The following IQSEC1 variants were observed in gnomAD, a reference collection of about 807,000 sequenced individuals.
IQSEC1 encodes the protein IQ motif and SEC7 domain-containing protein 1.
Under a neutral mutation model 91.0 loss-of-function variants are expected in IQSEC1, and 31 were observed. The ratio of observed to expected loss-of-function variants is 0.34; its 90% confidence interval spans 0.26 to 0.46. IQSEC1 has a LOEUF of 0.46. Ranked by LOEUF, IQSEC1 falls within the 20% of genes least tolerant of loss-of-function variation. IQSEC1 has a pLI of 1.00. For synonymous variants in IQSEC1, 699 were observed against 662.6 expected, an observed-to-expected ratio of 1.05 and a Z score of -0.84; for missense variants, 1,388 against 1,575.6, an observed-to-expected ratio of 0.88 and a Z score of 2.02.
At chr3:13,114,339 C>T (rs1706300656) in intron 2 of IQSEC1, among the ~76,000 whole-genome samples, 1 of 152,122 alleles carries the variant, frequency 6.6e-6, no homozygotes, top group Admixed American at 6.5e-5. Context: ...GCACTCATGG[C>T]CTGCAGGTGG....
chr3:13,043,674 T>G (rs908368054), intron 1 of IQSEC1, among the ~76,000 whole-genome samples: 5 of 152,212 alleles, frequency 3.3e-5, no homozygotes, highest in Non-Finnish European at 7.3e-5. Context: ...AAGCAACGAC[T>G]CCAGGGCAGG....
In IQSEC1 at chr3:12,900,254, G is replaced by C. The variant is rs1036784477; in HGVS notation, c.*729C>G. 5.1e-6 allele frequency: 5 copies of C among 984,718 alleles called. No homozygotes were observed. The highest frequency in any genetic ancestry group is 6.2e-5 in the Admixed American group (1 of 16,236). The allele number at this position is 984,718 out of a possible 1,614,324, so 61.0% of individuals were successfully genotyped here. On this transcript the variant is annotated 3_prime_UTR_variant, in exon 14 of 14. Transcript: ENST00000613206. Reference sequence around the variant, plus strand: ...TAGTAATGATTGTGTAAAGATTTTAGCCAGTCCTAGAGGGACTTCTTTGTA... The same window carrying C: ...TAGTAATGATTGTGTAAAGATTTTACCCAGTCCTAGAGGGACTTCTTTGTA...
chr3:13,270,767 A>C lies in IQSEC1; in HGVS notation c.272+11944T>G, dbSNP rs367949627. ...TATAAGATGCAGAAAATAAATGACAAAATTGTATATATAAATCTCACCTTA... is the reference window on the plus strand; with the variant it reads ...TATAAGATGCAGAAAATAAATGACACAATTGTATATATAAATCTCACCTTA... On this transcript the variant is annotated intron_variant, in intron 1 of 15. Transcript: ENST00000648114. 5.9e-5 allele frequency among the ~76,000 whole-genome samples: 9 copies of C among 152,360 alleles called. No individual in the cohort carries two copies. The South Asian group carries it at 6.2e-4, about 11-fold the overall frequency.
chr3:12,967,763 C>T lies in IQSEC1; in HGVS notation c.24-25898G>A. The T allele has an allele frequency of 1.0e-6, 1 of 952,958 alleles. No individual in the cohort carries two copies. Among genetic ancestry groups the T allele is most frequent in the South Asian group, 4.9e-5 (1 of 20,322 alleles). 59.0% of individuals were successfully genotyped at this position (952,958 alleles called of 1,614,324 possible). ...GCAGGGCGGGGGCGGGGCCGGAGGG[C>T]GAGCTGGGGGCGGGGCCGGAGGGCG... is the stretch of plus-strand genomic sequence containing the variant. On this transcript the variant is annotated intron_variant, in intron 1 of 13. Coordinates refer to ENST00000613206, the MANE Select transcript of IQSEC1 (RefSeq NM_001134382.3). This position sits in a 1 kb window ranked among gnomAD's most constrained non-coding sequence, Gnocchi z 5.9.
At chr3:13,072,233 G>A (rs574748981) in intron 1 of IQSEC1, among the ~76,000 whole-genome samples, 28 of 152,342 alleles carry the variant, frequency 1.8e-4, no homozygotes, top group South Asian at 4.1e-4. Flanking sequence ...CTCAACCCCC[G>A]CAGCCGAGGG....
chr3:13,020,710 T>C (rs1205763855), intron 1 of IQSEC1, among the ~76,000 whole-genome samples: 4 of 152,238 alleles, frequency 2.6e-5, no homozygotes, highest in African/African-American at 9.7e-5. Flanking sequence ...TTGCTCAGGC[T>C]GGAGTGCAGT....
At chr3:13,230,195 A>G (rs781468406) in intron 1 of IQSEC1, among the ~76,000 whole-genome samples, 1 of 152,222 alleles carries the variant, frequency 6.6e-6, no homozygotes, top group South Asian at 2.1e-4. Context: ...TCTTGTTTAC[A>G]TTATTACCCG....
Position 12,898,432 on chromosome 3 carries a change from C to T in IQSEC1, c.*2551G>A, listed in dbSNP as rs1049195218. The T allele has an allele frequency of 1.3e-5, 2 of 152,252 alleles. No homozygotes were observed. Among genetic ancestry groups the T allele is most frequent in the Non-Finnish European group, 2.9e-5 (2 of 68,056 alleles). The allele number at this position is 152,252 out of a possible 1,614,324, so 9.4% of individuals were successfully genotyped here. On this transcript the variant is annotated 3_prime_UTR_variant, in exon 14 of 14. Coordinates refer to ENST00000613206, the MANE Select transcript of IQSEC1 (RefSeq NM_001134382.3). ...AAGGGCTCAGTGGGTTCCAGCAGTT[C>T]CTTACGCGAGGCCCTGCTGCCCAGC...
chr3:13,168,080 C>T (rs913228800), intron 1 of IQSEC1, among the ~76,000 whole-genome samples: 1 of 152,130 alleles, frequency 6.6e-6, no homozygotes, highest in African/African-American at 2.4e-5. Flanking sequence ...AGGTGATGGT[C>T]CAGGTTGTGT....
chr3:12,920,681 G>T (rs1238500348), intron 5 of IQSEC1, 85 bp from the exon 6 acceptor site: 2 of 1,412,514 alleles, frequency 1.4e-6, no homozygotes, highest in Non-Finnish European at 2.0e-6. Flanking sequence ...GTCATGTGCC[G>T]CTAAGCCTCA....
At chr3:13,048,769 G>A (rs961002464) in intron 1 of IQSEC1, among the ~76,000 whole-genome samples, 4 of 152,120 alleles carry the variant, frequency 2.6e-5, no homozygotes, top group African/African-American at 4.8e-5. Context: ...CAGCAGATTC[G>A]AATCCCCAAT....
At chr3:13,140,202 C>A (rs1706777687) in intron 2 of IQSEC1, among the ~76,000 whole-genome samples, 1 of 152,170 alleles carries the variant, frequency 6.6e-6, no homozygotes, top group Admixed American at 6.5e-5. Context: ...ATCCTCATGA[C>A]CTGCTCAACA....
chr3:13,209,791 T>C (rs1277774429), intron 1 of IQSEC1, among the ~76,000 whole-genome samples: 2 of 152,190 alleles, frequency 1.3e-5, no homozygotes, highest in Non-Finnish European at 2.9e-5. Context: ...GGGCCAGTTC[T>C]GGATGCTGCT....
chr3:12,901,178 C>T lies in IQSEC1; in HGVS notation c.3150G>A (p.Gln1050=), dbSNP rs1299422735. ...GGTACTGGTGTGCGTGCTGGATGTG[C>T]TGGGGTGGGTGGTGGTGGTGGTGAT... The part of the protein sequence containing the change: ...YHHHHHHHPP[Q]HIQHAHQYHH... Residue 1050 remains glutamine, a synonymous_variant, in exon 14 of 14, where the codon CAG becomes CAA. Transcript: ENST00000613206. 10 of 1,542,856 alleles carry T rather than the reference C, an allele frequency of 6.5e-6. No homozygotes were observed. Among genetic ancestry groups the T allele is most frequent in the Non-Finnish European group, 8.7e-6 (10 of 1,142,966 alleles).
intron 1 of IQSEC1, among the ~76,000 whole-genome samples, chr3:12,966,338 G>A (rs961233653): frequency 6.6e-6 from 1 of 152,166 alleles, no homozygotes; most frequent in Non-Finnish European, 1.5e-5. Flanking sequence ...TGCTGGACAT[G>A]CGCTGCACAA....
intron 1 of IQSEC1, among the ~76,000 whole-genome samples, chr3:13,202,297 T>A (rs1416943703): frequency 6.6e-6 from 1 of 152,202 alleles, no homozygotes; most frequent in African/African-American, 2.4e-5. Flanking sequence ...CAACCCCTCT[T>A]CTGGGTATAT....
intron 2 of IQSEC1, among the ~76,000 whole-genome samples, chr3:13,100,031 G>A (rs930340041): frequency 1.4e-4 from 18 of 125,020 alleles, no homozygotes; most frequent in Admixed American, 7.6e-5. Flanking sequence ...TCACTCTGGC[G>A]CAGGAGCCTT....
intron 1 of IQSEC1, among the ~76,000 whole-genome samples, chr3:13,263,262 CAA>C (rs1695421048): frequency 1.3e-5 from 2 of 151,700 alleles, no homozygotes; most frequent in African/African-American, 4.8e-5. Flanking sequence ...CAAAACAAAA[CAA>C]AACAAAACAA....
chr3:12,914,239 A>G (rs1433155464), intron 8 of IQSEC1, among the ~76,000 whole-genome samples: 1 of 152,080 alleles, frequency 6.6e-6, no homozygotes, highest in Admixed American at 6.5e-5. Context: ...AGCTCCCAAC[A>G]CGGTCATAGC....
Sources: gnomAD v4.1 joint callset for allele counts (sites outside exome capture counted in the v4.1 genomes callset) on GRCh38, gnomAD v4.1.1 for gene constraint, Gnocchi (gnomAD v3.1) non-coding constraint, MANE v1.5 for transcripts, NCBI Gene and HGNC (gene_info 2026-07-23, HGNC 2026-07-21) for gene names.